SUPT3H: variants seen among roughly 807,000 people sequenced by gnomAD.
The protein encoded by SUPT3H is transcription initiation protein SPT3 homolog.
In SUPT3H, 44 loss-of-function variants were observed where a neutral mutation model predicts 44.3. The observed-to-expected ratio is 0.99, with a 90% CI of 0.78 to 1.28. The LOEUF (loss-of-function observed/expected upper bound fraction) is 1.28. SUPT3H is among the 50% of genes most tolerant of loss of function. The probability of loss-of-function intolerance (pLI) is 0.00; values close to 1 mark genes in which losing one functional copy is unlikely to be tolerated. For synonymous variants in SUPT3H, 124 were observed against 125.6 expected, an observed-to-expected ratio of 0.99 and a Z score of 0.09; for missense variants, 380 against 387.1, an observed-to-expected ratio of 0.98 and a Z score of 0.15.
chr6:44,900,458 G>A lies in SUPT3H; in HGVS notation c.912+32195C>T, dbSNP rs532087081. ...GTAGTCTGAGATCAAACCGCAAGGCGGCAGCAAGGCTGGGGGAGGGGCGCC... is the reference window on the plus strand; with the variant it reads ...GTAGTCTGAGATCAAACCGCAAGGCAGCAGCAAGGCTGGGGGAGGGGCGCC... On this transcript the variant is annotated intron_variant, in intron 10 of 10. Transcript: ENST00000371459. 6.7e-3 allele frequency among the ~76,000 whole-genome samples: 1,017 copies of A among 152,340 alleles called. 12 individuals are homozygous for A. Among genetic ancestry groups the A allele is most frequent in the African/African-American group, 0.023 (949 of 41,580 alleles).
chr6:44,944,762 C>CAAAAAAAAAAAAAAAAAAAAAA (rs57506313), intron 9 of SUPT3H, among the ~76,000 whole-genome samples: 32 of 29,876 alleles, frequency 1.1e-3, no homozygotes, highest in African/African-American at 2.2e-3. Context: ...ACCCTCTCTC[C>CAAAAAAAAAAAAAAAAAAAAAA]AAAAAAAAAA....
At chr6:44,810,384 TCTTA>T (rs1305149380) in intron 11 of SUPT3H, among the ~76,000 whole-genome samples, 6 of 152,330 alleles carry the variant, frequency 3.9e-5, no homozygotes, top group Non-Finnish European at 7.3e-5. Flanking sequence ...AGTATTTCTT[TCTTA>T]CTTTAATATG....
chr6:44,990,145 T>A (rs892279009), intron 6 of SUPT3H, among the ~76,000 whole-genome samples: 3 of 152,134 alleles, frequency 2.0e-5, no homozygotes, highest in Non-Finnish European at 4.4e-5. Flanking sequence ...CTTCAATCCA[T>A]CTGAGTTAAT....
intron 3 of SUPT3H, among the ~76,000 whole-genome samples, chr6:45,028,896 CAAAAAAAAAAAA>C (rs57234806): frequency 5.6e-5 from 4 of 71,052 alleles, no homozygotes; most frequent in African/African-American, 1.9e-4. Context: ...AAACAGTTGC[CAAAAAAAAAAAA>C]AAAAAAAAAA....
intron 9 of SUPT3H, among the ~76,000 whole-genome samples, chr6:44,939,357 A>G (rs1772022018): frequency 6.6e-6 from 1 of 151,884 alleles, no homozygotes; most frequent in Non-Finnish European, 1.5e-5. Context: ...TGTTTATGTA[A>G]TGTATCCCAT....
chr6:45,053,624 T>C (rs1273882472), intron 3 of SUPT3H, among the ~76,000 whole-genome samples: 1 of 149,458 alleles, frequency 6.7e-6, no homozygotes, highest in Admixed American at 6.8e-5. Context: ...GATGGCCGGG[T>C]GCAGTGGTTC....
intron 10 of SUPT3H, among the ~76,000 whole-genome samples, chr6:44,903,126 G>A (rs1393052795): frequency 3.3e-5 from 5 of 152,116 alleles, no homozygotes; most frequent in African/African-American, 4.8e-5. Flanking sequence ...AAGAACTAGA[G>A]AAGCAAGAGC....
In SUPT3H at chr6:44,876,515, A is replaced by T. The variant is rs1219700838; in HGVS notation, c.913-46658T>A. Among the ~76,000 whole-genome samples, 4 of 88,034 alleles carry T rather than the reference A, an allele frequency of 4.5e-5. No individual in the cohort carries two copies. In the Admixed American group the frequency reaches 5.8e-4, roughly 13 times the overall value. 57.8% of individuals were successfully genotyped at this position (88,034 alleles called of 152,430 possible). A position where few individuals can be genotyped will look rare whatever the true frequency, so the allele number is the denominator to read the frequency against. ...CTGTGGACTGTGGTGGGGTCGGGGG[A>T]GGGGGGAGGGATAGCATTGGGAGAT... On this transcript the variant is annotated intron_variant, in intron 10 of 10. Coordinates refer to ENST00000371459, the MANE Select transcript of SUPT3H (RefSeq NM_003599.4).
intron 3 of SUPT3H, among the ~76,000 whole-genome samples, chr6:45,054,242 C>T (rs1332634283): frequency 6.6e-6 from 1 of 152,040 alleles, no homozygotes; most frequent in Non-Finnish European, 1.5e-5. Context: ...TACCCTTCTC[C>T]CCTGAAGCAG....
intron 6 of SUPT3H, among the ~76,000 whole-genome samples, chr6:44,997,741 A>G (rs1781458438): frequency 6.6e-6 from 1 of 151,906 alleles, no homozygotes; most frequent in African/African-American, 2.4e-5. Context: ...AACTCTTAAT[A>G]TTTTTAAAAC....
chr6:45,027,846 T>C (rs1008445695), intron 3 of SUPT3H, among the ~76,000 whole-genome samples: 6 of 152,222 alleles, frequency 3.9e-5, no homozygotes, highest in Admixed American at 6.5e-5. Context: ...CTCAGAATTT[T>C]CAAGGCACTG....
chr6:45,091,400 G>C (rs1029618532), intron 3 of SUPT3H, among the ~76,000 whole-genome samples: 6 of 151,802 alleles, frequency 4.0e-5, no homozygotes, highest in African/African-American at 1.5e-4. Flanking sequence ...TCTTACTGCA[G>C]AGAACCACAG....
intron 10 of SUPT3H, among the ~76,000 whole-genome samples, chr6:44,930,117 G>A (rs1169205021): frequency 2.6e-5 from 4 of 151,954 alleles, no homozygotes; most frequent in African/African-American, 4.8e-5. Flanking sequence ...GGTGGCTCAC[G>A]CCTGTAATCC....
At chr6:45,364,600 T>G (rs1490457087) in intron 2 of SUPT3H, among the ~76,000 whole-genome samples, 1 of 152,190 alleles carries the variant, frequency 6.6e-6, no homozygotes. Context: ...AATCAAGAGA[T>G]ATAGTTTCAC....
chr6:45,019,940 T>C (rs1562275563), intron 4 of SUPT3H, among the ~76,000 whole-genome samples: 2 of 151,994 alleles, frequency 1.3e-5, no homozygotes, highest in African/African-American at 4.8e-5. Flanking sequence ...TATTTTTGAC[T>C]ACCTACTCAT....
At chr6:44,976,490 T>C (rs1778361470) in intron 6 of SUPT3H, among the ~76,000 whole-genome samples, 2 of 151,888 alleles carry the variant, frequency 1.3e-5, no homozygotes, top group African/African-American at 4.8e-5. Context: ...GCGTCCCGAA[T>C]AGCTGGGAAT....
At chr6:45,343,081 AC>A (rs1246498217) in intron 2 of SUPT3H, among the ~76,000 whole-genome samples, 1 of 152,208 alleles carries the variant, frequency 6.6e-6, no homozygotes, top group African/African-American at 2.4e-5. Flanking sequence ...AAGTGTCTAC[AC>A]TGATCTGACA....
chr6:45,056,846 T>C (rs537177706), intron 3 of SUPT3H, among the ~76,000 whole-genome samples: 30 of 151,938 alleles, frequency 2.0e-4, no homozygotes, highest in East Asian at 1.4e-3. Context: ...CCCAAACCAA[T>C]TGAAATTAAA....
At chr6:45,126,176 G>A (rs1802403517) in intron 2 of SUPT3H, among the ~76,000 whole-genome samples, 1 of 152,080 alleles carries the variant, frequency 6.6e-6, no homozygotes, top group Non-Finnish European at 1.5e-5. Context: ...AATACCCATT[G>A]GAAAAAAACC....
Sources: gnomAD v4.1 joint callset for allele counts (sites outside exome capture counted in the v4.1 genomes callset) on GRCh38, gnomAD v4.1.1 for gene constraint, MANE v1.5 for transcripts, NCBI Gene and HGNC (gene_info 2026-07-23, HGNC 2026-07-21) for gene names.